Variants in SDK1 observed in about 807,000 individuals in gnomAD.
The protein encoded by SDK1 is sidekick cell adhesion molecule 1.
SDK1 carries 157 observed loss-of-function variants against 245.5 expected under a neutral mutation model. That is an observed-to-expected ratio of 0.64 (90% CI 0.56 to 0.73). The LOEUF (loss-of-function observed/expected upper bound fraction) is 0.73. Ranked by LOEUF, SDK1 falls within the 30% of genes least tolerant of loss-of-function variation. SDK1 has a pLI of 0.00. For synonymous variants in SDK1, 1,647 were observed against 1,278.5 expected (o/e 1.29, Z -6.15); for missense variants, 3,583 against 3,002.3 (o/e 1.19, Z -4.52).
chr7:4,097,714 C>T (rs1053318428), intron 22 of SDK1, among the ~76,000 whole-genome samples: 5 of 152,186 alleles, frequency 3.3e-5, no homozygotes, highest in African/African-American at 1.2e-4. Context: ...CTTCTGTCTC[C>T]TCCTTCCCTC....
chr7:4,204,054 G>A (rs760247449), intron 35 of SDK1, among the ~76,000 whole-genome samples: 11 of 152,358 alleles, frequency 7.2e-5, no homozygotes, highest in South Asian at 4.1e-4. Flanking sequence ...CAGAGCTGTC[G>A]TGGGCGCGCT....
intron 4 of SDK1, among the ~76,000 whole-genome samples, chr7:3,820,210 C>T (rs1583447894): frequency 6.6e-6 from 1 of 152,046 alleles, no homozygotes; most frequent in African/African-American, 2.4e-5. Context: ...GGTGTGGCGG[C>T]GTGATCTCAG....
chr7:3,312,288 T>G, intron 1 of SDK1, among the ~76,000 whole-genome samples: 1 of 152,094 alleles, frequency 6.6e-6, no homozygotes, highest in East Asian at 1.9e-4. Flanking sequence ...AAATTAAAAA[T>G]CTAAGACTCT....
intron 4 of SDK1, among the ~76,000 whole-genome samples, chr7:3,649,254 C>T (rs900856871): frequency 3.9e-5 from 6 of 152,074 alleles, no homozygotes; most frequent in Non-Finnish European, 7.4e-5. Context: ...AGGACAGGTC[C>T]TCTGTGGAGG....
At chr7:4,175,101 G>T (rs148468892) in intron 33 of SDK1, among the ~76,000 whole-genome samples, 2 of 152,192 alleles carry the variant, frequency 1.3e-5, no homozygotes, top group South Asian at 4.1e-4. Context: ...AATGCCAGCC[G>T]CGGGGCCTTC....
intron 1 of SDK1, among the ~76,000 whole-genome samples, chr7:3,353,033 C>T (rs1415358679): frequency 6.6e-6 from 1 of 152,150 alleles, no homozygotes; most frequent in Non-Finnish European, 1.5e-5. Flanking sequence ...GTGATCATAT[C>T]CCACCGTGTC....
chr7:3,454,872 A>G lies in SDK1; in HGVS notation c.298+152988A>G, dbSNP rs138152063. 4.6e-5 allele frequency among the ~76,000 whole-genome samples: 7 copies of G among 152,298 alleles called. No individual in the cohort carries two copies. The East Asian group carries it at 1.3e-3, about 29-fold the overall frequency. On this transcript the variant is annotated intron_variant, in intron 1 of 44. Transcript: ENST00000404826. ...CCCAAGTGTGTAATTGCTGGGTTGT[A>G]TAGTAATTGTGTTCAGTATTATAAG...
chr7:3,320,373 A>G (rs1779773107), intron 1 of SDK1, among the ~76,000 whole-genome samples: 1 of 151,898 alleles, frequency 6.6e-6, no homozygotes, highest in Non-Finnish European at 1.5e-5. Flanking sequence ...ATGTTTTTAT[A>G]TTCTATGGAG....
intron 4 of SDK1, among the ~76,000 whole-genome samples, chr7:3,667,933 A>G (rs1440263356): frequency 6.6e-6 from 1 of 152,250 alleles, no homozygotes; most frequent in Non-Finnish European, 1.5e-5. Context: ...GCACATGAAC[A>G]TAAGCCTTTA....
chr7:3,945,592 C>T (rs1411530933), intron 5 of SDK1, among the ~76,000 whole-genome samples: 1 of 151,992 alleles, frequency 6.6e-6, no homozygotes, highest in Non-Finnish European at 1.5e-5. Flanking sequence ...ATCCAAAAGA[C>T]CAGTTAGAAG....
chr7:3,467,619 T>A (rs1458398418), intron 1 of SDK1, among the ~76,000 whole-genome samples: 1 of 152,104 alleles, frequency 6.6e-6, no homozygotes, highest in Non-Finnish European at 1.5e-5. Context: ...AGTTGGAATT[T>A]ATGTTTTGCA....
intron 4 of SDK1, among the ~76,000 whole-genome samples, chr7:3,740,053 A>G (rs78129249): frequency 4.6e-5 from 7 of 152,104 alleles, no homozygotes; most frequent in African/African-American, 1.4e-4. Flanking sequence ...AGGTTTCTTT[A>G]AATTATTTGA....
intron 22 of SDK1, among the ~76,000 whole-genome samples, chr7:4,096,026 A>C: frequency 6.6e-6 from 1 of 152,198 alleles, no homozygotes; most frequent in Non-Finnish European, 1.5e-5. Flanking sequence ...GAAAATAGGC[A>C]GTGTGGACAT....
At chr7:3,552,391 C>G (rs1011955356) in intron 1 of SDK1, among the ~76,000 whole-genome samples, 1 of 152,126 alleles carries the variant, frequency 6.6e-6, no homozygotes, top group Admixed American at 6.5e-5. Flanking sequence ...GTCCTGTCCC[C>G]CAGTAGATGC....
At chr7:3,788,123 A>G (rs1158650509) in intron 4 of SDK1, among the ~76,000 whole-genome samples, 1 of 152,114 alleles carries the variant, frequency 6.6e-6, no homozygotes, top group African/African-American at 2.4e-5. Context: ...TTCTGCTTCG[A>G]TTGAAGCAGG....
At position 3,454,928 on chromosome 7, in the gene SDK1, T is replaced by C. The variant is rs111392476; in HGVS notation, c.298+153044T>C. Among the ~76,000 whole-genome samples the C allele has an allele frequency of 2.3e-3, 344 of 152,322 alleles. 1 individual carries two copies. The highest frequency in any genetic ancestry group is 7.8e-3 in the African/African-American group (325 of 41,568). On this transcript the variant is annotated intron_variant, in intron 1 of 44. Transcript: ENST00000404826. ...GCCAAACTATTTTCCAGAGTGACTG[T>C]ACCATTTTACTATTTCACCAGTGCT...
At chr7:3,865,408 A>G (rs550844184) in intron 5 of SDK1, among the ~76,000 whole-genome samples, 1 of 152,216 alleles carries the variant, frequency 6.6e-6, no homozygotes, top group Non-Finnish European at 1.5e-5. Context: ...ATGTTTTGAC[A>G]TGTGACACGC....
intron 1 of SDK1, among the ~76,000 whole-genome samples, chr7:3,563,349 A>C (rs541850352): frequency 6.6e-6 from 1 of 152,354 alleles, no homozygotes; most frequent in African/African-American, 2.4e-5. Flanking sequence ...AAAACAAGAT[A>C]CAAAAAATAG....
chr7:3,487,303 T>C (rs969168352), intron 1 of SDK1, among the ~76,000 whole-genome samples: 3 of 152,206 alleles, frequency 2.0e-5, no homozygotes, highest in Non-Finnish European at 2.9e-5. Context: ...CCCATTATTT[T>C]GGTATTTCTG....
Sources: gnomAD v4.1 joint callset for allele counts (sites outside exome capture counted in the v4.1 genomes callset) on GRCh38, gnomAD v4.1.1 for gene constraint, MANE v1.5 for transcripts, NCBI Gene and HGNC (gene_info 2026-07-23, HGNC 2026-07-21) for gene names.